Variants in FBXL17 observed in about 807,000 individuals in gnomAD.
FBXL17 encodes F-box and leucine rich repeat protein 17.
In FBXL17, 22 loss-of-function variants were observed where a neutral mutation model predicts 66.2. The ratio of observed to expected loss-of-function variants is 0.33; its 90% CI spans 0.24 to 0.47. The LOEUF (loss-of-function observed/expected upper bound fraction) is 0.47. Ranked by LOEUF, FBXL17 falls within the 20% of genes least tolerant of loss-of-function variation. The pLI, the probability that FBXL17 is intolerant of heterozygous loss-of-function variation, is 1.00. For synonymous variants in FBXL17, 474 were observed against 400.5 expected, an observed-to-expected ratio of 1.18 and a Z score of -2.19; for missense variants, 878 against 948.2, an observed-to-expected ratio of 0.93 and a Z score of 0.97.
At chr5:108,081,670 C>A (rs1408626741) in intron 6 of FBXL17, among the ~76,000 whole-genome samples, 4 of 152,022 alleles carry the variant, frequency 2.6e-5, no homozygotes, top group African/African-American at 7.3e-5. Flanking sequence ...TTGCAGTGAG[C>A]CGAGATCGTG....
At chr5:108,279,532 A>C (rs1211380528) in intron 4 of FBXL17, among the ~76,000 whole-genome samples, 3 of 151,786 alleles carry the variant, frequency 2.0e-5, no homozygotes, top group African/African-American at 4.8e-5. Context: ...TACTCAACCA[A>C]CATCATAGTC....
At position 108,261,057 on chromosome 5, in the gene FBXL17, T is replaced by TA. The variant is rs146773293; in HGVS notation, c.1507-36830dup. Among the ~76,000 whole-genome samples, 10 of 151,042 alleles carry TA rather than the reference T, an allele frequency of 6.6e-5. No individual in the cohort carries two copies. In the East Asian group the frequency reaches 1.4e-3, roughly 21 times the overall value. The stretch of plus-strand genomic sequence containing the variant: ...CATTAAAAATAATGTTAAGTATTAG[T>TA]AAAAAAAAATATTAAAATACAATAG... On this transcript the variant is annotated intron_variant, in intron 4 of 8. Transcript: ENST00000542267.
chr5:108,232,926 T>C (rs1310561284), intron 4 of FBXL17, among the ~76,000 whole-genome samples: 1 of 151,056 alleles, frequency 6.6e-6, no homozygotes, highest in Non-Finnish European at 1.5e-5. Flanking sequence ...TATTCACCAG[T>C]TGATAAATAC....
chr5:108,062,919 C>T (rs892974272), intron 6 of FBXL17, among the ~76,000 whole-genome samples: 2 of 152,032 alleles, frequency 1.3e-5, no homozygotes, highest in Admixed American at 6.6e-5. Flanking sequence ...ATTTGAAGTT[C>T]GGCAAAGTGA....
chr5:108,045,346 T>A (rs1747213155), intron 6 of FBXL17, among the ~76,000 whole-genome samples: 2 of 151,882 alleles, frequency 1.3e-5, no homozygotes, highest in Non-Finnish European at 2.9e-5. Context: ...GGAGGCTGGG[T>A]CAGGAGAATC....
chr5:108,179,536 A>G (rs2150025152), intron 6 of FBXL17, among the ~76,000 whole-genome samples: 1 of 152,342 alleles, frequency 6.6e-6, no homozygotes, highest in East Asian at 1.9e-4. Flanking sequence ...AACATTGCCA[A>G]TGAATTCATT....
chr5:108,311,623 T>A (rs1759120968), intron 4 of FBXL17, among the ~76,000 whole-genome samples: 1 of 152,060 alleles, frequency 6.6e-6, no homozygotes, highest in African/African-American at 2.4e-5. Context: ...TTGGACTGAG[T>A]CTTCCCTAAG....
chr5:107,880,880 G>A, intron 8 of FBXL17, 157 bp downstream of exon 8: 1 of 1,413,712 alleles, frequency 7.1e-7, no homozygotes, highest in Non-Finnish European at 9.2e-7. Context: ...ACAAAAGCAG[G>A]CAAACAATGC....
intron 3 of FBXL17, among the ~76,000 whole-genome samples, chr5:108,363,115 G>T (rs1176141581): frequency 2.0e-5 from 3 of 151,812 alleles, no homozygotes; most frequent in Non-Finnish European, 4.4e-5. Context: ...ATCCATATTC[G>T]GATTTATGAA....
intron 7 of FBXL17, among the ~76,000 whole-genome samples, chr5:107,911,206 A>C (rs978089812): frequency 6.6e-6 from 1 of 152,134 alleles, no homozygotes; most frequent in Non-Finnish European, 1.5e-5. Flanking sequence ...CAACTAGCTG[A>C]AGAGATTCCA....
chr5:108,189,843 A>G (rs1227734752), intron 5 of FBXL17, among the ~76,000 whole-genome samples: 1 of 152,212 alleles, frequency 6.6e-6, no homozygotes, highest in African/African-American at 2.4e-5. Context: ...GGGATTGGCC[A>G]CTGGCTGAGG....
intron 3 of FBXL17, among the ~76,000 whole-genome samples, chr5:108,359,604 C>T (rs2112541762): frequency 6.6e-6 from 1 of 151,998 alleles, no homozygotes; most frequent in East Asian, 1.9e-4. Flanking sequence ...TGTGTATTTT[C>T]CAATTTTCCT....
chr5:108,298,265 A>G, intron 4 of FBXL17: 2 of 984,684 alleles, frequency 2.0e-6, no homozygotes, highest in South Asian at 9.4e-5. Context: ...ACTTCTTACT[A>G]CTATGTGAAC....
intron 5 of FBXL17, among the ~76,000 whole-genome samples, chr5:108,201,192 C>T (rs1286734908): frequency 6.6e-6 from 1 of 152,148 alleles, no homozygotes; most frequent in African/African-American, 2.4e-5. Context: ...CCTTTAGAAT[C>T]ATGGAGAACA....
chr5:108,299,397 G>C, intron 4 of FBXL17: 1 of 976,262 alleles, frequency 1.0e-6, no homozygotes, highest in Non-Finnish European at 1.2e-6. Flanking sequence ...ATCAACACAA[G>C]CAAGTTTACA....
At chr5:108,115,997 C>A (rs1354869511) in intron 6 of FBXL17, among the ~76,000 whole-genome samples, 1 of 152,028 alleles carries the variant, frequency 6.6e-6, no homozygotes, top group African/African-American at 2.4e-5. Flanking sequence ...AGCTAAATAA[C>A]CATTGGCTTG....
Position 108,380,791 on chromosome 5 carries a change from G to C in FBXL17, c.901C>G (p.Arg301Gly). Reference protein sequence around the residue: ...QQHECGDADCRESPENPCDCH... With the variant: ...QQHECGDADCGESPENPCDCH... ...TCGCAGGGGTTTTCGGGGGACTCCCGACAGTCCGCGTCGCCACATTCATGC... is the reference window on the plus strand; with the variant it reads ...TCGCAGGGGTTTTCGGGGGACTCCCCACAGTCCGCGTCGCCACATTCATGC... Residue 301 changes from arginine to glycine, a missense_variant, in exon 1 of 9, where the codon CGG (arginine) becomes GGG (glycine). Around this residue, in one of 4 missense-constraint regions of FBXL17, gnomAD observed 605 missense variants for 509.5 expected, o/e 1.19. Coordinates refer to ENST00000542267, the MANE Select transcript of FBXL17 (RefSeq NM_001163315.3). 1 of 1,248,260 alleles carries C rather than the reference G, an allele frequency of 8.0e-7. No individual in the cohort carries two copies. The highest frequency in any genetic ancestry group is 1.0e-6 in the Non-Finnish European group (1 of 988,098). The allele number at this position is 1,248,260 out of a possible 1,614,324, so 77.3% of individuals were successfully genotyped here.
intron 6 of FBXL17, among the ~76,000 whole-genome samples, chr5:108,169,142 C>G (rs1223568911): frequency 6.6e-6 from 1 of 152,120 alleles, no homozygotes; most frequent in Non-Finnish European, 1.5e-5. Context: ...TTATGTCCTA[C>G]TTACAGATGG....
At chr5:108,224,759 T>C (rs1297535254) in intron 4 of FBXL17, among the ~76,000 whole-genome samples, 1 of 151,212 alleles carries the variant, frequency 6.6e-6, no homozygotes, top group Non-Finnish European at 1.5e-5. Flanking sequence ...ACCCAACTAG[T>C]TTTTTTGGTT....
Sources: gnomAD v4.1 joint callset for allele counts (sites outside exome capture counted in the v4.1 genomes callset) on GRCh38, gnomAD v4.1.1 for gene constraint, gnomAD v4.1.1 regional missense constraint, MANE v1.5 for transcripts, NCBI Gene and HGNC (gene_info 2026-07-23, HGNC 2026-07-21) for gene names.